Variants in FLCN observed in about 807,000 individuals in gnomAD.
The protein encoded by FLCN is BHD skin lesion fibrofolliculoma protein.
In FLCN, 22 loss-of-function variants were observed where a neutral mutation model predicts 62.5. The observed-to-expected ratio is 0.35, with a 90% confidence interval of 0.25 to 0.50. FLCN has a LOEUF of 0.50. Ranked by LOEUF, FLCN falls within the 20% of genes least tolerant of loss-of-function variation. The pLI is 0.97. For missense variants in FLCN, 657 were observed against 778.0 expected, an observed-to-expected ratio of 0.84 and a Z score of 1.85; for synonymous variants, 319 against 310.0, an observed-to-expected ratio of 1.03 and a Z score of -0.30.
chr17:17,224,342 T>C lies in FLCN; in HGVS notation c.397-199A>G, dbSNP rs1597608204. Reference sequence around the variant, plus strand: ...ATCAAGCTTCCAACAACACTTGTCATTGTGGACTGCAAGGGCCGGTAACAA... The same window carrying C: ...ATCAAGCTTCCAACAACACTTGTCACTGTGGACTGCAAGGGCCGGTAACAA... On this transcript the variant is annotated intron_variant, in intron 5 of 13. Coordinates refer to ENST00000285071, the MANE Select transcript of FLCN (RefSeq NM_144997.7). 23 of 615,168 alleles carry C rather than the reference T, an allele frequency of 3.7e-5. No individual in the cohort carries two copies. In the East Asian group the frequency reaches 5.6e-4, roughly 15 times the overall value. 38.1% of individuals were successfully genotyped at this position (615,168 alleles called of 1,614,324 possible).
chr17:17,212,859 A>C lies in FLCN; in HGVS notation c.*796T>G, dbSNP rs2046797219. On this transcript the variant is annotated 3_prime_UTR_variant, in exon 14 of 14. Transcript: ENST00000285071. ...CTCCGAAAATAGTTAACTGTAACCAAACGTAAATGTTGAAAGCAGCAATAA... is the reference window on the plus strand; with the variant it reads ...CTCCGAAAATAGTTAACTGTAACCACACGTAAATGTTGAAAGCAGCAATAA... 4.3e-6 allele frequency: 1 copy of C among 230,776 alleles called. No individual in the cohort carries two copies. The highest frequency in any genetic ancestry group is 2.2e-5 in the African/African-American group (1 of 45,168). 14.3% of individuals were successfully genotyped at this position (230,776 alleles called of 1,614,324 possible).
chr17:17,222,720 C>G, intron 6 of FLCN, 59 bp from the exon 7 acceptor site: 1 of 1,609,208 alleles, frequency 6.2e-7, no homozygotes, highest in East Asian at 2.2e-5. Context: ...AGCTCGGACC[C>G]CTACTCGTTC....
chr17:17,229,637 C>A (rs553101794), intron 3 of FLCN, among the ~76,000 whole-genome samples: 2 of 152,376 alleles, frequency 1.3e-5, no homozygotes, highest in East Asian at 3.9e-4. Flanking sequence ...GCACGCCGAA[C>A]AGTGGTTCAA....
intron 6 of FLCN, 76 bp downstream of exon 6, chr17:17,223,846 G>A (rs2047166720): frequency 6.7e-7 from 1 of 1,488,352 alleles, no homozygotes; most frequent in African/African-American, 1.4e-5. Flanking sequence ...GCGGTCTCCA[G>A]GCCTCAACCT....
intron 9 of FLCN, 114 bp downstream of exon 9, chr17:17,218,905 C>G (rs2047002342): frequency 8.0e-7 from 1 of 1,245,072 alleles, no homozygotes; most frequent in South Asian, 1.3e-5. Context: ...GGCTGTCAGT[C>G]ACTTCCTGCA....
At position 17,219,207 on chromosome 17, in the gene FLCN, A is replaced by G. The variant is rs759503601; in HGVS notation, c.874T>C (p.Leu292=). 6.8e-6 allele frequency: 11 copies of G among 1,613,732 alleles called. No individual in the cohort carries two copies. Among genetic ancestry groups the G allele is most frequent in the Non-Finnish European group, 9.3e-6 (11 of 1,180,034 alleles). ...TLVQMEKLAD[L]EEESESWDNS... ...TCCCAGCTTTCTGATTCCTCTTCTA[A>G]ATCTGCAAGACAGATGACAAGGACA... The change falls in exon 9 of 14, where the codon TTA becomes CTA. Residue 292 remains leucine, a splice_region_variant and synonymous_variant. Coordinates refer to ENST00000285071, the MANE Select transcript of FLCN (RefSeq NM_144997.7).
At chr17:17,231,581 A>G (rs1030766781) in intron 3 of FLCN, 10 of 152,300 alleles carry the variant, frequency 6.6e-5, no homozygotes, top group Non-Finnish European at 1.5e-4. Context: ...GGGAGCCCCC[A>G]CCCCTGTTAC....
chr17:17,222,024 G>A (rs2047105755), intron 7 of FLCN, among the ~76,000 whole-genome samples: 1 of 143,830 alleles, frequency 7.0e-6, no homozygotes, highest in Non-Finnish European at 1.5e-5. Context: ...GGAATGATAC[G>A]ACTCAGATTT....
At position 17,219,090 on chromosome 17, in the gene FLCN, A is replaced by G. The variant is rs2144895251; in HGVS notation, c.991T>C (p.Ser331Pro). Reference sequence around the variant, plus strand: ...TGCCAGCTCCCACAGCCTGAGAGAGAGGAGGACTCTGCCGGGCCCTGGGTC... The same window carrying G: ...TGCCAGCTCCCACAGCCTGAGAGAGGGGAGGACTCTGCCGGGCCCTGGGTC... The part of the protein sequence containing the change: ...ELTQGPAESS[S>P]LSGCGSWQPR... Residue 331 changes from serine to proline, a missense_variant, in exon 9 of 14, where the codon TCT becomes CCT. Transcript: ENST00000285071. 6.2e-7 allele frequency: 1 copy of G among 1,614,148 alleles called. No individual in the cohort carries two copies.
chr17:17,223,476 C>T (rs1213261197), intron 6 of FLCN, among the ~76,000 whole-genome samples: 1 of 152,240 alleles, frequency 6.6e-6, no homozygotes, highest in Non-Finnish European at 1.5e-5. Flanking sequence ...GCAATGCACA[C>T]ACCATGAGTA....
At chr17:17,230,725 C>CA (rs758208758) in intron 3 of FLCN, among the ~76,000 whole-genome samples, 2,058 of 65,960 alleles carry the variant, frequency 0.031, 42 homozygotes, top group African/African-American at 0.085. Context: ...GACTCCATCT[C>CA]AAAAAAAAAA....
Position 17,216,262 on chromosome 17 carries a change from G to A in FLCN, c.1300+118C>T. On this transcript the variant is annotated intron_variant, in intron 11 of 13. Coordinates refer to ENST00000285071, the MANE Select transcript of FLCN (RefSeq NM_144997.7). The surrounding 1 kb of genome is among the most constrained non-coding windows in gnomAD (Gnocchi z 4.0). ...GAGGCCCAGAGCCATGGGGGAAGCTGGCCCTGCAATGAGGCCTCCTCTCCA... is the reference window on the plus strand; with the variant it reads ...GAGGCCCAGAGCCATGGGGGAAGCTAGCCCTGCAATGAGGCCTCCTCTCCA... 6.9e-7 allele frequency: 1 copy of A among 1,441,622 alleles called. No homozygotes were observed. The highest frequency in any genetic ancestry group is 9.4e-7 in the Non-Finnish European group (1 of 1,061,928). 89.3% of individuals were successfully genotyped at this position (1,441,622 alleles called of 1,614,324 possible). A position where few individuals can be genotyped will look rare whatever the true frequency, so the allele number is the denominator to read the frequency against.
At position 17,216,251 on chromosome 17, in the gene FLCN, T is replaced by C. The variant is rs966348663; in HGVS notation, c.1300+129A>G. The C allele has an allele frequency of 2.9e-6, 4 of 1,357,740 alleles. No homozygotes were observed. Among genetic ancestry groups the C allele is most frequent in the African/African-American group, 2.9e-5 (2 of 69,858 alleles). 84.1% of individuals were successfully genotyped at this position (1,357,740 alleles called of 1,614,324 possible). ...GATAGAACACGGAGGCCCAGAGCCA[T>C]GGGGGAAGCTGGCCCTGCAATGAGG... is the stretch of plus-strand genomic sequence containing the variant. On this transcript the variant is annotated intron_variant, in intron 11 of 13. Transcript: ENST00000285071. This position sits in a 1 kb window ranked among gnomAD's most constrained non-coding sequence, Gnocchi z 4.0.
intron 11 of FLCN, 38 bp from the exon 12 acceptor site, chr17:17,215,354 C>T: frequency 6.2e-7 from 1 of 1,612,294 alleles, no homozygotes; most frequent in Admixed American, 1.7e-5. Flanking sequence ...TCATCTCCCC[C>T]ATGCTCCTCA....
rs759930161 is a variant in FLCN, at chr17:17,228,003, C to T, written c.135G>A (p.Ala45=). ...TCTGAATGCCACCTTCCTCTTCTTCCGCCTGCTCACCCTGGCCAGGACTGT... is the reference window on the plus strand; with the variant it reads ...TCTGAATGCCACCTTCCTCTTCTTCTGCCTGCTCACCCTGGCCAGGACTGT... ...NEDSPGQGEQ[A]EEEEGGIQMN... is the part of the protein sequence containing the mutation. The change falls in exon 4 of 14, where the codon GCG becomes GCA. Residue 45 remains alanine, a synonymous_variant. Coordinates refer to ENST00000285071, the MANE Select transcript of FLCN (RefSeq NM_144997.7). The T allele has an allele frequency of 2.2e-5, 35 of 1,614,058 alleles. No individual in the cohort carries two copies. The highest frequency in any genetic ancestry group is 1.6e-4 in the Middle Eastern group (1 of 6,062).
rs1295624148 is a variant in FLCN at position 17,228,638 on chromosome 17, G to A, written c.-24-477C>T. 11 of 178,078 alleles carry A rather than the reference G, an allele frequency of 6.2e-5. No individual in the cohort carries two copies. In the South Asian group the frequency reaches 1.2e-3, roughly 19 times the overall value. The allele number at this position is 178,078 out of a possible 1,614,324, so 11.0% of individuals were successfully genotyped here. On this transcript the variant is annotated intron_variant, in intron 3 of 13. Transcript: ENST00000285071. ...TGCAGCTTACCTCCTGCAGGGGGTC[G>A]GCGGGGGACACAGGAAAACTGCTTC...
intron 3 of FLCN, among the ~76,000 whole-genome samples, chr17:17,230,422 T>A (rs1401143777): frequency 6.6e-6 from 1 of 151,884 alleles, no homozygotes; most frequent in Non-Finnish European, 1.5e-5. Flanking sequence ...TCCCAGCTAC[T>A]CAGGAGGCTG....
intron 7 of FLCN, among the ~76,000 whole-genome samples, 174 bp downstream of exon 7, chr17:17,222,327 G>A (rs1226260047): frequency 6.6e-6 from 1 of 152,160 alleles, no homozygotes; most frequent in Non-Finnish European, 1.5e-5. Context: ...TACAGAACAA[G>A]GACTCCCAGC....
Position 17,217,036 on chromosome 17 carries a change from T to G in FLCN, c.1176+33A>C, listed in dbSNP as rs752165748. ...GCCAGGCACCAGGCCAATACTGCCC[T>G]GCGCCGCACACCTAAGGAAAAGATG... is the stretch of plus-strand genomic sequence containing the variant. On this transcript the variant is annotated intron_variant, in intron 10 of 13. Transcript: ENST00000285071. 3.3e-6 allele frequency: 5 copies of G among 1,496,930 alleles called. No homozygotes were observed. In the Admixed American group the frequency reaches 8.4e-5, roughly 25 times the overall value. 92.7% of individuals were successfully genotyped at this position (1,496,930 alleles called of 1,614,324 possible).
Sources: gnomAD v4.1 joint callset for allele counts (sites outside exome capture counted in the v4.1 genomes callset) on GRCh38, gnomAD v4.1.1 for gene constraint, Gnocchi (gnomAD v3.1) non-coding constraint, MANE v1.5 for transcripts, NCBI Gene and HGNC (gene_info 2026-07-23, HGNC 2026-07-21) for gene names.